The following DLGAP1 variants were observed in gnomAD, a reference collection of about 807,000 sequenced individuals.
The protein encoded by DLGAP1 is disks large-associated protein 1.
Under a neutral mutation model 90.8 loss-of-function variants are expected in DLGAP1, and 11 were observed. The observed-to-expected ratio is 0.12, with a 90% confidence interval of 0.08 to 0.20. DLGAP1 has a LOEUF of 0.20. Among genes scored for constraint, DLGAP1 ranks in the 10% least tolerant of loss-of-function variants. DLGAP1 has a pLI of 1.00. For synonymous variants in DLGAP1, 558 were observed against 540.7 expected, an observed-to-expected ratio of 1.03 and a Z score of -0.44; for missense variants, 1,050 against 1,333.8, an observed-to-expected ratio of 0.79 and a Z score of 3.31.
At chr18:3,772,607 T>C (rs2064733922) in intron 5 of DLGAP1, among the ~76,000 whole-genome samples, 1 of 151,590 alleles carries the variant, frequency 6.6e-6, no homozygotes, top group Non-Finnish European at 1.5e-5. Flanking sequence ...TTTACATTCA[T>C]GTGATCATTT....
intron 1 of DLGAP1, among the ~76,000 whole-genome samples, chr18:4,205,450 T>C (rs2077702406): frequency 1.3e-5 from 2 of 152,208 alleles, no homozygotes; most frequent in Admixed American, 1.3e-4. Flanking sequence ...CTGCACTATC[T>C]GATATGATAG....
chr18:3,781,574 C>T (rs2065194457), intron 5 of DLGAP1, among the ~76,000 whole-genome samples: 1 of 152,000 alleles, frequency 6.6e-6, no homozygotes, highest in Admixed American at 6.5e-5. Context: ...AGGCTGGTCT[C>T]AAGCTCCTGA....
intron 3 of DLGAP1, chr18:3,986,028 T>G (rs985664265): frequency 5.3e-5 from 8 of 152,182 alleles, no homozygotes; most frequent in African/African-American, 1.9e-4. Context: ...CTTTGCTTGT[T>G]CTTATAACAA....
At chr18:3,759,984 G>A (rs1377191397) in intron 5 of DLGAP1, among the ~76,000 whole-genome samples, 1 of 152,208 alleles carries the variant, frequency 6.6e-6, no homozygotes, top group Non-Finnish European at 1.5e-5. Flanking sequence ...CCAAAGCTGA[G>A]CCTGTTCTGG....
chr18:4,009,209 G>C (rs1251677641), intron 2 of DLGAP1, among the ~76,000 whole-genome samples: 1 of 152,148 alleles, frequency 6.6e-6, no homozygotes, highest in Non-Finnish European at 1.5e-5. Context: ...GGCCGCCACC[G>C]AGTCTCTTTA....
chr18:4,399,186 T>A (rs1020150571), intron 1 of DLGAP1, among the ~76,000 whole-genome samples: 1 of 152,236 alleles, frequency 6.6e-6, no homozygotes, highest in African/African-American at 2.4e-5. Flanking sequence ...ATCTTTTTCA[T>A]AACTCACTTC....
At chr18:3,725,189 G>C (rs4797120) in intron 7 of DLGAP1, among the ~76,000 whole-genome samples, 75,976 of 151,904 alleles carry the variant, frequency 0.5, 20,111 homozygotes, top group African/African-American at 0.65. Flanking sequence ...GGCCGGATGT[G>C]TGATTATTAG....
At chr18:3,952,946 C>T (rs975518003) in intron 3 of DLGAP1, among the ~76,000 whole-genome samples, 7 of 152,186 alleles carry the variant, frequency 4.6e-5, no homozygotes, top group South Asian at 2.1e-4. Flanking sequence ...GATTCATCTG[C>T]TTCTTTTCCT....
At chr18:3,502,341 T>G in intron 12 of DLGAP1, 152 bp downstream of exon 12, 1 of 1,411,952 alleles carries the variant, frequency 7.1e-7, no homozygotes, top group Non-Finnish European at 9.2e-7. Context: ...CCCAAATGAT[T>G]ACTATGTAAA....
intron 7 of DLGAP1, among the ~76,000 whole-genome samples, chr18:3,633,713 A>T (rs555103962): frequency 6.6e-6 from 1 of 152,358 alleles, no homozygotes; most frequent in African/African-American, 2.4e-5. Context: ...GCTAAAAGCT[A>T]TAGATACTTT....
chr18:4,250,643 C>A (rs997848961), intron 1 of DLGAP1, among the ~76,000 whole-genome samples: 30 of 152,172 alleles, frequency 2.0e-4, no homozygotes, highest in Admixed American at 8.5e-4. Context: ...TAAAAAGAAC[C>A]AAAGCATCTT....
chr18:4,131,195 G>GCGTGT (rs60087365), intron 2 of DLGAP1, among the ~76,000 whole-genome samples: 1,896 of 151,944 alleles, frequency 0.012, 53 homozygotes, highest in African/African-American at 0.042. Flanking sequence ...AAAAAACGTG[G>GCGTGT]GCGTGTGTGT....
chr18:3,588,634 G>A (rs1414173183), intron 7 of DLGAP1, among the ~76,000 whole-genome samples: 1 of 151,112 alleles, frequency 6.6e-6, no homozygotes, highest in Non-Finnish European at 1.5e-5. Flanking sequence ...ACAAAAATTA[G>A]CCAGGCGTGG....
chr18:4,247,593 T>C (rs1038515732), intron 1 of DLGAP1, among the ~76,000 whole-genome samples: 2 of 151,974 alleles, frequency 1.3e-5, no homozygotes, highest in African/African-American at 4.8e-5. Context: ...CTGCCCAACA[T>C]GGCAAAACCC....
At chr18:3,748,143 T>C (rs1056029466) in intron 5 of DLGAP1, among the ~76,000 whole-genome samples, 1 of 152,280 alleles carries the variant, frequency 6.6e-6, no homozygotes, top group Non-Finnish European at 1.5e-5. Context: ...TAACTTTTCC[T>C]AGCTTATCAG....
intron 2 of DLGAP1, among the ~76,000 whole-genome samples, chr18:4,006,622 G>T (rs191427508): frequency 1.2e-4 from 18 of 148,996 alleles, no homozygotes; most frequent in African/African-American, 4.5e-4. Context: ...GAAAATTAGT[G>T]CCTCTGTTCC....
chr18:4,286,426 A>T (rs1192784971), intron 1 of DLGAP1, among the ~76,000 whole-genome samples: 1 of 152,064 alleles, frequency 6.6e-6, no homozygotes, highest in East Asian at 1.9e-4. Context: ...AAGCATCAAC[A>T]CATGACTCAT....
intron 7 of DLGAP1, among the ~76,000 whole-genome samples, chr18:3,628,330 T>C (rs995765656): frequency 6.6e-6 from 1 of 151,748 alleles, no homozygotes; most frequent in Non-Finnish European, 1.5e-5. Flanking sequence ...GGTGGGATTA[T>C]AGCCATGTGC....
intron 1 of DLGAP1, among the ~76,000 whole-genome samples, chr18:4,334,792 T>G (rs1004637137): frequency 6.6e-6 from 1 of 151,898 alleles, no homozygotes; most frequent in African/African-American, 2.4e-5. Context: ...AAGAATGATT[T>G]TAAATAGAAG....
Sources: allele counts gnomAD v4.1 joint callset (sites outside exome capture counted in the v4.1 genomes callset), GRCh38; gene constraint gnomAD v4.1.1; transcripts MANE v1.5; gene names NCBI Gene and HGNC (gene_info 2026-07-23, HGNC 2026-07-21).